The following SRPRA variants were observed in gnomAD, a reference collection of about 807,000 sequenced individuals.
SRPRA encodes the protein signal recognition particle receptor subunit alpha.
In SRPRA, 30 loss-of-function variants were observed where a neutral mutation model predicts 61.1. The ratio of observed to expected loss-of-function variants is 0.49; its 90% CI spans 0.37 to 0.67. The LOEUF (loss-of-function observed/expected upper bound fraction) is 0.67. Ranked by LOEUF, SRPRA falls within the 30% of genes least tolerant of loss-of-function variation. The pLI, the probability that SRPRA is intolerant of heterozygous loss-of-function variation, is 0.00. For missense variants in SRPRA, 759 were observed against 828.4 expected (o/e 0.92, Z 1.03); for synonymous variants, 324 against 299.7 (o/e 1.08, Z -0.84).
the SRPRA span, among the ~76,000 whole-genome samples, chr11:126,242,024 C>CAAAAAAAA: frequency 1.1e-5 from 1 of 88,418 alleles, no homozygotes. Flanking sequence ...GACTCCGTCT[C>CAAAAAAAA]AAAAAAAAAA....
rs761098895 is a variant in SRPRA, at chr11:126,265,304, G to A, written c.1275C>T (p.Gly425=). The stretch of plus-strand genomic sequence containing the variant: ...TAGTAGATTTCCCCACTCCATTAAC[G>A]CCGCAGAAGGTGACGACATAAGGGC... ...RQRPYVVTFC[G]VNGVGKSTNL... is the part of the protein sequence containing the mutation. The change falls in exon 10 of 14, where the codon GGC becomes GGT. Residue 425 remains glycine (G), a synonymous_variant. Transcript: ENST00000332118. This position sits in a 1 kb window ranked among gnomAD's most constrained non-coding sequence, Gnocchi z 6.3. The A allele has an allele frequency of 8.1e-6, 13 of 1,614,028 alleles. No individual in the cohort carries two copies. Among genetic ancestry groups the A allele is most frequent in the Middle Eastern group, 1.6e-4 (1 of 6,084 alleles).
the SRPRA span, among the ~76,000 whole-genome samples, chr11:126,256,140 G>A: frequency 6.6e-6 from 1 of 152,012 alleles, no homozygotes; most frequent in South Asian, 2.1e-4. This position sits in a 1 kb window ranked among gnomAD's most constrained non-coding sequence, Gnocchi z 6.6. Flanking sequence ...GTGTGGTGGT[G>A]CACACTTGTA....
chr11:126,248,942 A>G, the SRPRA span, among the ~76,000 whole-genome samples: 1 of 152,254 alleles, frequency 6.6e-6, no homozygotes, highest in African/African-American at 2.4e-5. Flanking sequence ...CCTTCGTCCC[A>G]AGAGCCACTT....
the SRPRA span, among the ~76,000 whole-genome samples, chr11:126,247,877 AT>A: frequency 2.1e-5 from 3 of 145,734 alleles, no homozygotes; most frequent in Non-Finnish European, 4.5e-5. Context: ...ATATATATAT[AT>A]ATCTATATAT....
At chr11:126,237,065 C>T in the SRPRA span, among the ~76,000 whole-genome samples, 25 of 149,482 alleles carry the variant, frequency 1.7e-4, no homozygotes, top group Admixed American at 4.7e-4. Context: ...TACAGGCGCC[C>T]GCCACCATGC....
In SRPRA at chr11:126,264,895, T is replaced by C. The variant is rs972860116; in HGVS notation, c.1525+64A>G. The C allele has an allele frequency of 6.7e-7, 1 of 1,482,404 alleles. No homozygotes were observed. The highest frequency in any genetic ancestry group is 9.1e-7 in the Non-Finnish European group (1 of 1,095,900). 91.8% of individuals were successfully genotyped at this position (1,482,404 alleles called of 1,614,324 possible). On this transcript the variant is annotated intron_variant, in intron 11 of 13. Coordinates refer to ENST00000332118, the MANE Select transcript of SRPRA (RefSeq NM_003139.4). This position sits in a 1 kb window ranked among gnomAD's most constrained non-coding sequence, Gnocchi z 5.0. ...AGCACAAGCCTGATCTTCTGCAAAT[T>C]CCAAGAGAACCCAAGGAGAAAAAGG...
At chr11:126,242,788 C>T in the SRPRA span, among the ~76,000 whole-genome samples, 13 of 152,182 alleles carry the variant, frequency 8.5e-5, no homozygotes. Context: ...TAAAGTGATG[C>T]AGTTGCTTTG....
In SRPRA at chr11:126,266,465, T is replaced by C. The variant is rs1565346675; in HGVS notation, c.840+11A>G. 6.2e-7 allele frequency: 1 copy of C among 1,612,416 alleles called. No homozygotes were observed. The highest frequency in any genetic ancestry group is 1.1e-5 in the South Asian group (1 of 90,902). On this transcript the variant is annotated intron_variant, in intron 6 of 13. Coordinates refer to ENST00000332118, the MANE Select transcript of SRPRA (RefSeq NM_003139.4). ...TTGTTAAAGATCACTTTGACCCCTGTTACCTCTTACCAGGTTGATGTCCTC... is the reference window on the plus strand; with the variant it reads ...TTGTTAAAGATCACTTTGACCCCTGCTACCTCTTACCAGGTTGATGTCCTC...
At chr11:126,253,781 GCTT>G in the SRPRA span, among the ~76,000 whole-genome samples, 1 of 152,156 alleles carries the variant, frequency 6.6e-6, no homozygotes, top group Admixed American at 6.5e-5. The surrounding 1 kb of genome is among the most constrained non-coding windows in gnomAD (Gnocchi z 5.1). Flanking sequence ...GCTAGCCCAG[GCTT>G]CTTCACTTTC....
downstream of SRPRA, among the ~76,000 whole-genome samples, chr11:126,259,371 G>A (rs1035644311): frequency 1.3e-4 from 19 of 150,556 alleles, no homozygotes; most frequent in Admixed American, 3.3e-4. Flanking sequence ...CAAGCAGTGG[G>A]AAAAAGAAAA....
rs1460335220 is a variant in SRPRA at position 126,268,772 on chromosome 11, G to A, written c.33C>T (p.Gly11=). 6.2e-7 allele frequency: 1 copy of A among 1,613,784 alleles called. No homozygotes were observed. Among genetic ancestry groups the A allele is most frequent in the South Asian group, 1.1e-5 (1 of 91,086 alleles). ...CCTGGAAGCACCAGAGCACAAGCCCGCCCTTGGAGAAAATGGTGAAGAAGT... is the reference window on the plus strand; with the variant it reads ...CCTGGAAGCACCAGAGCACAAGCCCACCCTTGGAGAAAATGGTGAAGAAGT... MLDFFTIFSK[G]GLVLWCFQGV... Residue 11 remains glycine, a synonymous_variant, in exon 1 of 14, where the codon GGC becomes GGT. Transcript: ENST00000332118.
the SRPRA span, chr11:126,256,717 G>A: frequency 1.2e-5 from 20 of 1,614,166 alleles, no homozygotes; most frequent in South Asian, 2.2e-5. This position sits in a 1 kb window ranked among gnomAD's most constrained non-coding sequence, Gnocchi z 6.6. Context: ...GAGAGGAGAC[G>A]TAGATGAGTT....
chr11:126,253,210 C>T, the SRPRA span, among the ~76,000 whole-genome samples: 4 of 152,102 alleles, frequency 2.6e-5, no homozygotes, highest in Admixed American at 2.6e-4. The surrounding 1 kb of genome is among the most constrained non-coding windows in gnomAD (Gnocchi z 5.1). Flanking sequence ...ATCCTTGGGC[C>T]TCAAGATTTG....
the SRPRA span, among the ~76,000 whole-genome samples, chr11:126,253,944 G>T: frequency 6.6e-6 from 1 of 152,306 alleles, no homozygotes; most frequent in African/African-American, 2.4e-5. This position sits in a 1 kb window ranked among gnomAD's most constrained non-coding sequence, Gnocchi z 5.1. Flanking sequence ...CCGAAGAGGG[G>T]CCACACAAGG....
chr11:126,253,325 G>A, the SRPRA span, among the ~76,000 whole-genome samples: 4 of 152,012 alleles, frequency 2.6e-5, no homozygotes, highest in East Asian at 3.9e-4. The surrounding 1 kb of genome is among the most constrained non-coding windows in gnomAD (Gnocchi z 5.1). Flanking sequence ...TCTAAATCTC[G>A]GTGCCTCTTG....
chr11:126,247,584 G>T, the SRPRA span, among the ~76,000 whole-genome samples: 1 of 152,068 alleles, frequency 6.6e-6, no homozygotes, highest in African/African-American at 2.4e-5. Context: ...GTATTTGCCA[G>T]CGCGGTGGCT....
At chr11:126,243,255 G>A in the SRPRA span, among the ~76,000 whole-genome samples, 1 of 152,268 alleles carries the variant, frequency 6.6e-6, no homozygotes, top group South Asian at 2.1e-4. Context: ...CCAACTCATT[G>A]TATGAGGCCC....
chr11:126,261,432 G>T, downstream of SRPRA: 1 of 1,613,788 alleles, frequency 6.2e-7, no homozygotes, highest in Non-Finnish European at 8.5e-7. Flanking sequence ...TAGCAGGGAT[G>T]GTGAGAGAAG....
downstream of SRPRA, among the ~76,000 whole-genome samples, chr11:126,259,376 AG>A: frequency 6.6e-6 from 1 of 152,220 alleles, no homozygotes; most frequent in African/African-American, 2.4e-5. Flanking sequence ...AGTGGGAAAA[AG>A]AAAAATAATT....
Sources: allele counts gnomAD v4.1 joint callset (sites outside exome capture counted in the v4.1 genomes callset), GRCh38; gene constraint gnomAD v4.1.1; non-coding constraint Gnocchi (gnomAD v3.1); transcripts MANE v1.5; gene names NCBI Gene and HGNC (gene_info 2026-07-23, HGNC 2026-07-21).